The following HACL2 variants were observed in gnomAD, a reference collection of about 807,000 sequenced individuals.
The protein encoded by HACL2 is 2-hydroxyacyl-CoA lyase 1 like.
At chr19:15,119,347 C>T in the HACL2 span, 12 of 1,605,860 alleles carry the variant, frequency 7.5e-6, no homozygotes, top group South Asian at 3.3e-5. Context: ...CGGGGCCTCC[C>T]GCCTCCCCAA....
At chr19:15,124,958 G>T in the HACL2 span, 1 of 1,608,160 alleles carries the variant, frequency 6.2e-7, no homozygotes, top group Non-Finnish European at 8.5e-7. Context: ...GCCCCAGGCG[G>T]TGAGCGGCGC....
At chr19:15,116,362 G>T in the HACL2 span, 2 of 1,613,760 alleles carry the variant, frequency 1.2e-6, no homozygotes, top group South Asian at 1.1e-5. Context: ...TGGCAGCAGG[G>T]TCTGCCGGGA....
At chr19:15,119,955 C>G in the HACL2 span, 1 of 1,497,728 alleles carries the variant, frequency 6.7e-7, no homozygotes, top group Non-Finnish European at 9.1e-7. Context: ...GGGTAGGGTC[C>G]TCAGACACAA....
At chr19:15,124,603 C>A in the HACL2 span, 703 of 362,700 alleles carry the variant, frequency 1.9e-3, 4 homozygotes, top group African/African-American at 0.014. Flanking sequence ...CTGCCCTCTG[C>A]CCCATTTATC....
chr19:15,116,651 C>G, the HACL2 span: 1 of 693,250 alleles, frequency 1.4e-6, no homozygotes, highest in South Asian at 1.9e-5. Context: ...GCCAGGGGTG[C>G]TCCTAGAAAA....
the HACL2 span, chr19:15,125,181 C>A: frequency 6.3e-6 from 7 of 1,109,694 alleles, no homozygotes; most frequent in Non-Finnish European, 8.8e-6. Context: ...CCGCCAGTTT[C>A]TGTGCGGCCA....
At chr19:15,118,973 G>A in the HACL2 span, among the ~76,000 whole-genome samples, 6 of 152,228 alleles carry the variant, frequency 3.9e-5, no homozygotes, top group Non-Finnish European at 8.8e-5. Context: ...TTGAGTTTGG[G>A]GATGGTTGTT....
the HACL2 span, among the ~76,000 whole-genome samples, chr19:15,122,222 T>C: frequency 6.6e-6 from 1 of 152,110 alleles, no homozygotes; most frequent in African/African-American, 2.4e-5. The surrounding 1 kb of genome is among the most constrained non-coding windows in gnomAD (Gnocchi z 4.0). Flanking sequence ...TGCCACTTCT[T>C]AGCTGTGTGA....
the HACL2 span, among the ~76,000 whole-genome samples, chr19:15,121,699 C>T: frequency 1.3e-5 from 2 of 150,854 alleles, no homozygotes; most frequent in Non-Finnish European, 2.9e-5. Context: ...GTCCCAGCTA[C>T]TCAGAAGGCT....
At chr19:15,119,170 T>C in the HACL2 span, 1 of 1,564,174 alleles carries the variant, frequency 6.4e-7, no homozygotes, top group Non-Finnish European at 8.7e-7. Flanking sequence ...GCCCACCTGC[T>C]AGGACAATGA....
chr19:15,116,547 G>C, the HACL2 span: 4 of 1,578,280 alleles, frequency 2.5e-6, no homozygotes, highest in Admixed American at 1.8e-5. Flanking sequence ...GGACACAGCT[G>C]TGGGGAGCTG....
At chr19:15,116,015 G>A in the HACL2 span, 124 of 1,614,018 alleles carry the variant, frequency 7.7e-5, no homozygotes, top group South Asian at 9.9e-5. Context: ...GCATCTGGCC[G>A]GCACAGCTTG....
chr19:15,121,475 GGAGGAAGAA>G, the HACL2 span, among the ~76,000 whole-genome samples: 1 of 152,054 alleles, frequency 6.6e-6, no homozygotes, highest in East Asian at 1.9e-4. Flanking sequence ...AGGGAGAGAA[GGAGGAAGAA>G]GAGGAAGAGG....
At chr19:15,115,784 A>C in the HACL2 span, 27 of 1,583,904 alleles carry the variant, frequency 1.7e-5, no homozygotes, top group East Asian at 5.8e-4. Flanking sequence ...TCCCCACCTC[A>C]GCCCACCCCT....
the HACL2 span, chr19:15,119,633 C>G: frequency 2.4e-6 from 2 of 848,396 alleles, no homozygotes; most frequent in East Asian, 5.4e-5. Flanking sequence ...TCACTGCAGC[C>G]TCCACCTCCC....
At chr19:15,116,561 T>C in the HACL2 span, 3 of 1,525,718 alleles carry the variant, frequency 2.0e-6, no homozygotes, top group Non-Finnish European at 2.7e-6. Context: ...GGAGCTGGCT[T>C]CCTCCTGTTC....
the HACL2 span, chr19:15,125,110 G>A: frequency 1.4e-6 from 2 of 1,478,376 alleles, no homozygotes; most frequent in Non-Finnish European, 1.8e-6. Flanking sequence ...GGCGCGACAG[G>A]GAACCTCTCC....
At chr19:15,118,026 G>A in the HACL2 span, 2 of 1,613,892 alleles carry the variant, frequency 1.2e-6, no homozygotes, top group South Asian at 2.2e-5. Flanking sequence ...CTGGTGTGGG[G>A]GACAGGAATG....
chr19:15,124,749 C>A, the HACL2 span: 1 of 868,486 alleles, frequency 1.2e-6, no homozygotes, highest in African/African-American at 1.7e-5. Context: ...AAAGTCCAGG[C>A]CTCCATACAC....
Sources: gnomAD v4.1 joint callset for allele counts (sites outside exome capture counted in the v4.1 genomes callset) on GRCh38, gnomAD v4.1.1 for gene constraint, Gnocchi (gnomAD v3.1) non-coding constraint, MANE v1.5 for transcripts, NCBI Gene and HGNC (gene_info 2026-07-23, HGNC 2026-07-21) for gene names.